Variants in ARMH4 observed in about 807,000 individuals in gnomAD.
The protein encoded by ARMH4 is armadillo like helical domain containing 4, also known as armadillo-like helical domain-containing protein 4.
A neutral mutation model predicts 61.9 loss-of-function variants in ARMH4; 49 were observed. That is an observed-to-expected ratio of 0.79 (90% CI 0.63 to 1.00). The LOEUF (loss-of-function observed/expected upper bound fraction) is 1.00. Ranked by LOEUF, ARMH4 falls within the 50% of genes least tolerant of loss-of-function variation. The pLI, the probability that ARMH4 is intolerant of heterozygous loss-of-function variation, is 0.00. For synonymous variants in ARMH4, 368 were observed against 341.5 expected (o/e 1.08, Z -0.85); for missense variants, 934 against 930.0 (o/e 1.00, Z -0.06).
Position 58,075,128 on chromosome 14 carries a change from G to T in ARMH4, c.2089+21596C>A, listed in dbSNP as rs559585467. Among the ~76,000 whole-genome samples, 7 of 152,338 alleles carry T rather than the reference G, an allele frequency of 4.6e-5. No individual in the cohort carries two copies. In the South Asian group the frequency reaches 8.3e-4, roughly 18 times the overall value. On this transcript the variant is annotated intron_variant, in intron 5 of 7. Coordinates refer to ENST00000267485, the MANE Select transcript of ARMH4 (RefSeq NM_001001872.4). ...CAACAGATGTTGGAGAGGATGTGGAGAAATAGGAATGTTTTTACACTGTTC... is the reference window on the plus strand; with the variant it reads ...CAACAGATGTTGGAGAGGATGTGGATAAATAGGAATGTTTTTACACTGTTC...
At chr14:58,008,199 A>G (rs1359831087) in intron 6 of ARMH4, among the ~76,000 whole-genome samples, 1 of 152,212 alleles carries the variant, frequency 6.6e-6, no homozygotes, top group Non-Finnish European at 1.5e-5. Context: ...ATACACTGAA[A>G]TATATAAGGG....
At chr14:58,034,381 C>A (rs1883391061) in intron 5 of ARMH4, among the ~76,000 whole-genome samples, 1 of 115,110 alleles carries the variant, frequency 8.7e-6, no homozygotes, top group Non-Finnish European at 1.9e-5. Flanking sequence ...CCAGGCCTGC[C>A]CTAAAAGAGC....
chr14:58,140,576 A>AAAATAAATAAAT (rs142870008), intron 1 of ARMH4, among the ~76,000 whole-genome samples: 43 of 149,672 alleles, frequency 2.9e-4, no homozygotes, highest in African/African-American at 1.0e-3. Context: ...ATCCGTCTCA[A>AAAATAAATAAAT]AAATAAATAA....
At chr14:58,115,962 G>A (rs577860826) in intron 4 of ARMH4, among the ~76,000 whole-genome samples, 2 of 152,166 alleles carry the variant, frequency 1.3e-5, no homozygotes, top group East Asian at 1.9e-4. Context: ...CTAGTACTAC[G>A]CTCACTACCT....
At chr14:58,023,103 G>T (rs189962444) in intron 5 of ARMH4, among the ~76,000 whole-genome samples, 40 of 152,280 alleles carry the variant, frequency 2.6e-4, no homozygotes, top group Admixed American at 8.5e-4. Flanking sequence ...ATTAGGTGGT[G>T]GTTGCTGAAG....
rs371157273 is a variant in ARMH4, at chr14:58,133,197, G to A, written c.1514C>T (p.Ser505Phe). 50 of 1,614,070 alleles carry A rather than the reference G, an allele frequency of 3.1e-5. No individual in the cohort carries two copies. The highest frequency in any genetic ancestry group is 4.0e-5 in the Non-Finnish European group (47 of 1,180,050). ...EEEKEDPSPVSDVPGVTQLSR... is the reference protein window; with the variant it reads ...EEEKEDPSPVFDVPGVTQLSR... Reference sequence around the variant, plus strand: ...CAGCTGAGTAACACCAGGAACGTCAGACACAGGAGAGGGGTCCTCCTTTTC... The same window carrying A: ...CAGCTGAGTAACACCAGGAACGTCAAACACAGGAGAGGGGTCCTCCTTTTC... Residue 505 changes from serine (S) to phenylalanine (F), a missense_variant, in exon 3 of 8, where the codon TCT becomes TTT. By Grantham distance (155) the Ser-to-Phe change is radical (BLOSUM62 -2). Transcript: ENST00000267485.
At chr14:58,116,865 T>A (rs893917098) in intron 4 of ARMH4, among the ~76,000 whole-genome samples, 2 of 152,186 alleles carry the variant, frequency 1.3e-5, no homozygotes, top group Non-Finnish European at 2.9e-5. Flanking sequence ...ATATAATTGG[T>A]ATGTTATCCA....
chr14:58,068,316 T>G (rs1884769611), intron 5 of ARMH4, among the ~76,000 whole-genome samples: 1 of 152,104 alleles, frequency 6.6e-6, no homozygotes, highest in Admixed American at 6.5e-5. Flanking sequence ...ACCTTAAGCT[T>G]TATATATTGA....
intron 5 of ARMH4, among the ~76,000 whole-genome samples, chr14:58,063,933 TCAAATGGAAATAG>T (rs1377446407): frequency 2.0e-5 from 3 of 152,170 alleles, no homozygotes; most frequent in Non-Finnish European, 4.4e-5. Context: ...TCTGTTTATA[TCAAATGGAAATAG>T]CAGTGAAAGG....
chr14:58,096,730 C>T lies in ARMH4; in HGVS notation c.2083G>A (p.Gly695Ser), dbSNP rs778021407. Residue 695 changes from glycine (G) to serine (S), a missense_variant, in exon 5 of 8, where the codon GGC (glycine) becomes AGC (serine). Gly to Ser is a moderately conservative substitution (Grantham distance 56). Coordinates refer to ENST00000267485, the MANE Select transcript of ARMH4 (RefSeq NM_001001872.4). ...DALEWEQQNQ[G>S]LVRSWMEKLK... ...AAATACACATGACTCTTACCCAGGC[C>T]TTGATTCTGCTGTTCCCACTCGAGG... 1.2e-6 allele frequency: 2 copies of T among 1,613,800 alleles called. No individual in the cohort carries two copies. Among genetic ancestry groups the T allele is most frequent in the Admixed American group, 1.7e-5 (1 of 59,984 alleles).
intron 4 of ARMH4, among the ~76,000 whole-genome samples, chr14:58,118,418 T>C (rs1463387461): frequency 6.8e-6 from 1 of 148,144 alleles, no homozygotes; most frequent in Admixed American, 7.0e-5. Flanking sequence ...GGACAGACAG[T>C]ACGTATGCAG....
At chr14:58,084,040 TTAAAG>T (rs1885308707) in intron 5 of ARMH4, among the ~76,000 whole-genome samples, 1 of 152,174 alleles carries the variant, frequency 6.6e-6, no homozygotes, top group African/African-American at 2.4e-5. Context: ...GACCAAGGTT[TTAAAG>T]TAAGAGTGTT....
At chr14:58,088,404 G>A (rs1048426381) in intron 5 of ARMH4, among the ~76,000 whole-genome samples, 1 of 151,442 alleles carries the variant, frequency 6.6e-6, no homozygotes, top group African/African-American at 2.4e-5. Context: ...TCACAAGGCA[G>A]AGATCATTAT....
At chr14:58,042,438 A>T (rs1028467997) in intron 5 of ARMH4, among the ~76,000 whole-genome samples, 1 of 152,180 alleles carries the variant, frequency 6.6e-6, no homozygotes, top group Admixed American at 6.5e-5. Context: ...TCTCTGGGAC[A>T]CATTCAAAGC....
chr14:58,048,486 G>T (rs183252264), intron 5 of ARMH4, among the ~76,000 whole-genome samples: 11 of 152,320 alleles, frequency 7.2e-5, no homozygotes, highest in Non-Finnish European at 1.3e-4. Flanking sequence ...ATGATAAGAG[G>T]CATTCCCGTA....
intron 4 of ARMH4, among the ~76,000 whole-genome samples, chr14:58,128,406 A>T (rs1886974383): frequency 6.6e-6 from 1 of 152,210 alleles, no homozygotes; most frequent in Non-Finnish European, 1.5e-5. Flanking sequence ...TAAAAAGAAC[A>T]TGTTTGTTAT....
At chr14:58,125,012 C>T (rs1266579050) in intron 4 of ARMH4, among the ~76,000 whole-genome samples, 2 of 152,104 alleles carry the variant, frequency 1.3e-5, no homozygotes, top group Admixed American at 6.5e-5. Flanking sequence ...CAAGGGAACA[C>T]CTATTAAACA....
At chr14:58,095,157 G>C (rs1594753485) in intron 5 of ARMH4, among the ~76,000 whole-genome samples, 2 of 152,212 alleles carry the variant, frequency 1.3e-5, no homozygotes, top group East Asian at 3.9e-4. Context: ...TCACAATCCA[G>C]GGTAGATGCC....
chr14:58,027,357 T>A (rs551504257), intron 5 of ARMH4, among the ~76,000 whole-genome samples: 1 of 152,306 alleles, frequency 6.6e-6, no homozygotes, highest in East Asian at 1.9e-4. Context: ...AACCCTGAGT[T>A]GGTAATGGCT....
Sources: gnomAD v4.1 joint callset for allele counts (sites outside exome capture counted in the v4.1 genomes callset) on GRCh38, gnomAD v4.1.1 for gene constraint, MANE v1.5 for transcripts, NCBI Gene and HGNC (gene_info 2026-07-23, HGNC 2026-07-21) for gene names.